CSMD1: variants seen among roughly 807,000 people sequenced by gnomAD.
CSMD1 encodes CUB and sushi domain-containing protein 1.
A neutral mutation model predicts 417.5 loss-of-function variants in CSMD1; 213 were observed. That is an observed-to-expected ratio of 0.51 (90% confidence interval 0.46 to 0.57). CSMD1 has a LOEUF of 0.57. Ranked by LOEUF, CSMD1 falls within the 20% of genes least tolerant of loss-of-function variation. The pLI, the probability that CSMD1 is intolerant of heterozygous loss-of-function variation, is 0.00. For synonymous variants in CSMD1, 2,862 were observed against 1,736.8 expected (o/e 1.65, Z -16.11); for missense variants, 6,923 against 4,529.7 (o/e 1.53, Z -15.17).
intron 2 of CSMD1, among the ~76,000 whole-genome samples, chr8:4,516,764 G>T (rs1405597896): frequency 6.6e-6 from 1 of 152,048 alleles, no homozygotes; most frequent in Non-Finnish European, 1.5e-5. Flanking sequence ...TTTGCATTTG[G>T]ATCAACTCAT....
intron 5 of CSMD1, among the ~76,000 whole-genome samples, chr8:3,907,771 A>C (rs1044737699): frequency 1.3e-5 from 2 of 151,916 alleles, no homozygotes; most frequent in Non-Finnish European, 2.9e-5. Context: ...TAACAGACTG[A>C]CTCTTAGAAT....
rs372947731 is a variant in CSMD1, at chr8:4,340,616, G to A, written c.415+79337C>T. Among the ~76,000 whole-genome samples, 67 of 152,170 alleles carry A rather than the reference G, an allele frequency of 4.4e-4. No homozygotes were observed. The South Asian group carries it at 0.012, about 27-fold the overall frequency. On this transcript the variant is annotated intron_variant, in intron 3 of 69. Transcript: ENST00000635120. ...CTTCACAGTACTCTTGCTTGGCTGC[G>A]CCTCCTCTGCCAATGAGCCAAGTGG...
intron 2 of CSMD1, among the ~76,000 whole-genome samples, chr8:4,425,044 A>T (rs939248226): frequency 6.6e-6 from 1 of 152,144 alleles, no homozygotes; most frequent in Non-Finnish European, 1.5e-5. Context: ...AACAAAAACT[A>T]TTGAGGATAA....
intron 3 of CSMD1, among the ~76,000 whole-genome samples, chr8:4,252,058 C>T (rs909338437): frequency 2.0e-5 from 3 of 152,114 alleles, no homozygotes; most frequent in African/African-American, 7.2e-5. Flanking sequence ...CACAGAAGAT[C>T]ATTCCCAGAA....
intron 1 of CSMD1, among the ~76,000 whole-genome samples, chr8:4,656,765 C>T (rs142035167): frequency 3.7e-4 from 56 of 152,106 alleles, no homozygotes; most frequent in African/African-American, 1.3e-3. Flanking sequence ...GAGGCAGTGG[C>T]AGACGTGATC....
At chr8:4,438,951 T>C (rs1013015321) in intron 2 of CSMD1, among the ~76,000 whole-genome samples, 1 of 152,216 alleles carries the variant, frequency 6.6e-6, no homozygotes, top group Non-Finnish European at 1.5e-5. Context: ...CGTAAATGAA[T>C]TAATGTGAAG....
intron 5 of CSMD1, among the ~76,000 whole-genome samples, chr8:3,911,532 TAAAAAA>T (rs1012148560): frequency 1.8e-5 from 2 of 114,206 alleles, no homozygotes; most frequent in African/African-American, 5.6e-5. Context: ...CGTCTCAAAA[TAAAAAA>T]AAAAAAAAAA....
chr8:3,326,031 G>A (rs1806507182), intron 23 of CSMD1, among the ~76,000 whole-genome samples: 1 of 152,106 alleles, frequency 6.6e-6, no homozygotes. Context: ...AGGATTTGAG[G>A]GCATGACAGC....
chr8:4,760,472 A>G (rs1300709997), intron 1 of CSMD1, among the ~76,000 whole-genome samples: 1 of 152,196 alleles, frequency 6.6e-6, no homozygotes, highest in Admixed American at 6.5e-5. Flanking sequence ...CTACTGACTA[A>G]TCCTGTGAGA....
At chr8:4,146,951 G>A (rs1048873577) in intron 3 of CSMD1, among the ~76,000 whole-genome samples, 43 of 144,194 alleles carry the variant, frequency 3.0e-4, no homozygotes, top group Non-Finnish European at 1.0e-4. Flanking sequence ...CACCTCACCG[G>A]CATCAGGCAT....
chr8:4,991,074 T>C (rs1421196769), intron 1 of CSMD1, among the ~76,000 whole-genome samples: 1 of 152,188 alleles, frequency 6.6e-6, no homozygotes, highest in Non-Finnish European at 1.5e-5. Flanking sequence ...TAAGTAATTG[T>C]CTGCAAATAC....
chr8:3,956,688 G>C (rs571140158), intron 5 of CSMD1, among the ~76,000 whole-genome samples: 3 of 152,028 alleles, frequency 2.0e-5, no homozygotes, highest in Non-Finnish European at 2.9e-5. Context: ...ACCCGATGTG[G>C]CAGAACCTAT....
intron 3 of CSMD1, among the ~76,000 whole-genome samples, chr8:4,345,165 G>C (rs532112999): frequency 2.0e-5 from 3 of 152,138 alleles, no homozygotes; most frequent in African/African-American, 4.8e-5. Flanking sequence ...AGTGGAAACA[G>C]ATTTCCACTT....
At chr8:4,798,437 A>T (rs1006595278) in intron 1 of CSMD1, among the ~76,000 whole-genome samples, 1 of 152,174 alleles carries the variant, frequency 6.6e-6, no homozygotes, top group Non-Finnish European at 1.5e-5. Flanking sequence ...TTTTATTTTT[A>T]AAAAGGAGAT....
intron 5 of CSMD1, among the ~76,000 whole-genome samples, chr8:3,991,813 A>G (rs940151): frequency 2.6e-5 from 4 of 152,038 alleles, no homozygotes; most frequent in African/African-American, 4.8e-5. Flanking sequence ...AAGTCTCCAC[A>G]CTGCCTCTTT....
chr8:4,347,172 G>A (rs781733261), intron 3 of CSMD1, among the ~76,000 whole-genome samples: 47 of 152,074 alleles, frequency 3.1e-4, no homozygotes, highest in African/African-American at 1.0e-3. Flanking sequence ...CGGTGTTCAA[G>A]TTTTAGCTTT....
At chr8:4,373,493 A>G (rs543307249) in intron 3 of CSMD1, among the ~76,000 whole-genome samples, 2 of 152,330 alleles carry the variant, frequency 1.3e-5, no homozygotes, top group African/African-American at 2.4e-5. Context: ...GTCCTAAAAA[A>G]GTTTATTTAG....
intron 1 of CSMD1, among the ~76,000 whole-genome samples, chr8:4,676,112 C>G (rs1184903988): frequency 6.6e-6 from 1 of 152,112 alleles, no homozygotes; most frequent in Non-Finnish European, 1.5e-5. Flanking sequence ...GGTAATTACA[C>G]AATTCTGCTA....
At chr8:4,424,544 C>CA (rs1238529155) in intron 2 of CSMD1, among the ~76,000 whole-genome samples, 1 of 151,950 alleles carries the variant, frequency 6.6e-6, no homozygotes, top group Admixed American at 6.6e-5. Flanking sequence ...TAAATAATGA[C>CA]AACATCACAT....
Sources: gnomAD v4.1 joint callset for allele counts (sites outside exome capture counted in the v4.1 genomes callset) on GRCh38, gnomAD v4.1.1 for gene constraint, MANE v1.5 for transcripts, NCBI Gene and HGNC (gene_info 2026-07-23, HGNC 2026-07-21) for gene names.